The following DAB1 variants were observed in gnomAD, a reference collection of about 807,000 sequenced individuals.
DAB1 encodes DAB adaptor protein 1.
DAB1 carries 15 observed loss-of-function variants against 64.6 expected under a neutral mutation model. The observed-to-expected ratio is 0.23, with a 90% CI of 0.16 to 0.36. The LOEUF (loss-of-function observed/expected upper bound fraction) is 0.36. Among genes scored for constraint, DAB1 ranks in the 10% least tolerant of loss-of-function variants. DAB1 has a pLI of 1.00. For missense variants in DAB1, 596 were observed against 706.7 expected (o/e 0.84, Z 1.78); for synonymous variants, 235 against 251.9 (o/e 0.93, Z 0.64).
intron 4 of DAB1, among the ~76,000 whole-genome samples, chr1:58,226,245 T>C (rs1166204172): frequency 1.3e-5 from 2 of 152,220 alleles, no homozygotes; most frequent in African/African-American, 4.8e-5. Context: ...TATACAAATA[T>C]TGGTTGGCTG....
chr1:57,249,204 C>T lies in DAB1; in HGVS notation c.67+41760G>A, dbSNP rs559225487. 3.2e-5 allele frequency among the ~76,000 whole-genome samples: 4 copies of T among 126,664 alleles called. No individual in the cohort carries two copies. In the South Asian group the frequency reaches 9.8e-4, roughly 31 times the overall value. The allele number at this position is 126,664 out of a possible 152,430, so 83.1% of individuals were successfully genotyped here. A position where few individuals can be genotyped will look rare whatever the true frequency, so the allele number is the denominator to read the frequency against. On this transcript the variant is annotated intron_variant, in intron 2 of 14. Transcript: ENST00000371236. ...ACAGTAACTGAATTTTGATGTGGAT[C>T]TTGTATGTATAGAGAAAAAAATCCA...
intron 5 of DAB1, among the ~76,000 whole-genome samples, chr1:57,934,282 A>C (rs1455462809): frequency 6.6e-6 from 1 of 152,116 alleles, no homozygotes; most frequent in Non-Finnish European, 1.5e-5. Context: ...TCATTGTGAG[A>C]AAATGGAATT....
intron 3 of DAB1, among the ~76,000 whole-genome samples, chr1:58,379,052 C>T (rs941105421): frequency 2.5e-4 from 38 of 151,262 alleles, no homozygotes; most frequent in Non-Finnish European, 1.0e-4. Context: ...GCATGGTGCG[C>T]GCACCCACTG....
At chr1:58,492,073 C>T (rs996113566) in intron 3 of DAB1, among the ~76,000 whole-genome samples, 6 of 152,122 alleles carry the variant, frequency 3.9e-5, no homozygotes, top group African/African-American at 7.2e-5. Context: ...TCTCTCAGAC[C>T]ACAGTGCAAT....
intron 5 of DAB1, among the ~76,000 whole-genome samples, chr1:58,065,273 T>C (rs1648784976): frequency 6.6e-6 from 1 of 152,192 alleles, no homozygotes; most frequent in African/African-American, 2.4e-5. Context: ...TAGCTTCAAA[T>C]GCAGGGTGAA....
intron 5 of DAB1, among the ~76,000 whole-genome samples, chr1:57,961,540 T>C (rs1188807339): frequency 6.6e-6 from 1 of 152,190 alleles, no homozygotes; most frequent in Non-Finnish European, 1.5e-5. Flanking sequence ...AGTCACTTCC[T>C]AAAACCTTGC....
At chr1:57,497,764 T>C (rs768232515) in intron 7 of DAB1, among the ~76,000 whole-genome samples, 5 of 152,228 alleles carry the variant, frequency 3.3e-5, no homozygotes, top group African/African-American at 4.8e-5. Context: ...GAGGAATAGA[T>C]AGAAGTCAGA....
chr1:57,548,166 C>A (rs900225094), intron 7 of DAB1, among the ~76,000 whole-genome samples: 14 of 152,182 alleles, frequency 9.2e-5, no homozygotes, highest in African/African-American at 3.1e-4. Flanking sequence ...AATTGCCCAA[C>A]ATTAGCTTGG....
intron 2 of DAB1, among the ~76,000 whole-genome samples, chr1:58,513,326 G>T (rs1350052579): frequency 2.0e-4 from 30 of 152,176 alleles, no homozygotes; most frequent in Non-Finnish European, 1.5e-5. Context: ...GGAGAACTGT[G>T]AGTCAATTAA....
At chr1:58,490,831 G>A (rs1241178081) in intron 3 of DAB1, among the ~76,000 whole-genome samples, 10 of 103,200 alleles carry the variant, frequency 9.7e-5, no homozygotes, top group African/African-American at 2.2e-4. Context: ...TTTTTGAGAC[G>A]GACTCTCGCT....
At chr1:57,898,392 A>G (rs982116991) in intron 5 of DAB1, among the ~76,000 whole-genome samples, 1 of 152,132 alleles carries the variant, frequency 6.6e-6, no homozygotes, top group African/African-American at 2.4e-5. Context: ...TAAATTTTTA[A>G]TTCACTTGTA....
At chr1:57,147,425 C>A (rs958592071) in intron 2 of DAB1, among the ~76,000 whole-genome samples, 2 of 151,718 alleles carry the variant, frequency 1.3e-5, no homozygotes, top group Non-Finnish European at 1.5e-5. Flanking sequence ...TGGTCCTGAC[C>A]CCCAGTTTTC....
intron 7 of DAB1, among the ~76,000 whole-genome samples, chr1:57,489,661 C>T (rs577790105): frequency 6.8e-6 from 1 of 147,138 alleles, no homozygotes; most frequent in Non-Finnish European, 1.5e-5. Flanking sequence ...TTTTGCCCAG[C>T]TGAAGCCCCA....
chr1:57,460,421 G>A (rs1686744999), intron 7 of DAB1, among the ~76,000 whole-genome samples: 1 of 152,170 alleles, frequency 6.6e-6, no homozygotes, highest in Non-Finnish European at 1.5e-5. Context: ...GCACTTCCTG[G>A]CAAGCAAGAG....
chr1:57,663,039 C>G (rs1646405144), intron 6 of DAB1, among the ~76,000 whole-genome samples: 2 of 152,132 alleles, frequency 1.3e-5, no homozygotes, highest in Non-Finnish European at 2.9e-5. Flanking sequence ...CTATCTGAGA[C>G]TGGGTAATTT....
At chr1:58,141,020 A>C (rs916710587) in intron 5 of DAB1, among the ~76,000 whole-genome samples, 7 of 152,178 alleles carry the variant, frequency 4.6e-5, no homozygotes, top group Non-Finnish European at 1.0e-4. Flanking sequence ...CTATACAGGA[A>C]GCATGGTGCC....
At chr1:57,418,469 T>C (rs1448193136) in intron 1 of DAB1, among the ~76,000 whole-genome samples, 1 of 152,200 alleles carries the variant, frequency 6.6e-6, no homozygotes, top group African/African-American at 2.4e-5. Flanking sequence ...TAAATCAATA[T>C]GAAGCTCGGA....
chr1:57,168,631 C>A (rs1204070227), intron 2 of DAB1, among the ~76,000 whole-genome samples: 1 of 152,130 alleles, frequency 6.6e-6, no homozygotes, highest in Non-Finnish European at 1.5e-5. Context: ...CCCAGTTCAC[C>A]CTTAAGTAAT....
intron 4 of DAB1, among the ~76,000 whole-genome samples, chr1:57,134,256 C>A (rs555002964): frequency 6.6e-6 from 1 of 152,116 alleles, no homozygotes; most frequent in African/African-American, 2.4e-5. Context: ...TCACACAGAG[C>A]AAGTCAGCTC....
Sources: allele counts gnomAD v4.1 joint callset (sites outside exome capture counted in the v4.1 genomes callset), GRCh38; gene constraint gnomAD v4.1.1; transcripts MANE v1.5; gene names NCBI Gene and HGNC (gene_info 2026-07-23, HGNC 2026-07-21).